Variants in IGFL2 observed in about 807,000 individuals in gnomAD.
IGFL2 encodes the protein insulin growth factor-like family member 2.
In IGFL2, 7 loss-of-function variants were observed where a neutral mutation model predicts 13.9. The ratio of observed to expected loss-of-function variants is 0.51; its 90% CI spans 0.29 to 0.95. IGFL2 has a LOEUF of 0.95. Ranked by LOEUF, IGFL2 falls within the 40% of genes least tolerant of loss-of-function variation. The probability of loss-of-function intolerance (pLI) is 0.08; values close to 1 mark genes in which losing one functional copy is unlikely to be tolerated. For missense variants in IGFL2, 138 were observed against 147.8 expected (o/e 0.93, Z 0.34); for synonymous variants, 55 against 55.8 (o/e 0.99, Z 0.07).
the IGFL2 span, among the ~76,000 whole-genome samples, chr19:46,120,593 T>G: frequency 1.3e-5 from 2 of 150,462 alleles, no homozygotes; most frequent in Non-Finnish European, 2.9e-5. Context: ...TTCCTCAAAA[T>G]GCCAGATAAA....
At chr19:46,117,091 A>T in the IGFL2 span, among the ~76,000 whole-genome samples, 2,469 of 152,136 alleles carry the variant, frequency 0.016, 59 homozygotes, top group African/African-American at 0.055. Flanking sequence ...TATTTTGACT[A>T]TTTTTTTCTC....
chr19:46,168,110 A>AT, the IGFL2 span, among the ~76,000 whole-genome samples: 2 of 152,040 alleles, frequency 1.3e-5, no homozygotes, highest in Admixed American at 6.6e-5. Flanking sequence ...TAATTTTTGT[A>AT]TTTTTTTAGA....
At chr19:46,096,722 C>T in the IGFL2 span, among the ~76,000 whole-genome samples, 1 of 152,084 alleles carries the variant, frequency 6.6e-6, no homozygotes. Flanking sequence ...AGTTTTTTAA[C>T]ATGAAGGGAT....
the IGFL2 span, among the ~76,000 whole-genome samples, chr19:46,172,846 T>TA: frequency 2.9e-3 from 447 of 152,272 alleles, 27 homozygotes; most frequent in East Asian, 0.078. Context: ...GCCCTCTGAG[T>TA]AGCTCTACAG....
chr19:46,091,955 A>G, the IGFL2 span, among the ~76,000 whole-genome samples: 3 of 152,342 alleles, frequency 2.0e-5, no homozygotes, highest in East Asian at 5.8e-4. Flanking sequence ...TAAAAATGCA[A>G]TGCATTAAGT....
chr19:46,191,851 C>A, the IGFL2 span, among the ~76,000 whole-genome samples: 1 of 152,154 alleles, frequency 6.6e-6, no homozygotes, highest in Non-Finnish European at 1.5e-5. Context: ...GGGATTTTTA[C>A]ATAGTTTGAC....
the IGFL2 span, among the ~76,000 whole-genome samples, chr19:46,191,089 A>C: frequency 6.6e-6 from 1 of 152,116 alleles, no homozygotes; most frequent in African/African-American, 2.4e-5. Flanking sequence ...GTCAAGAAAG[A>C]CTTCATTCTA....
chr19:46,148,696 G>C, intron 1 of IGFL2: 1 of 599,864 alleles, frequency 1.7e-6, no homozygotes, highest in East Asian at 3.0e-5. Context: ...CTCAGACTCA[G>C]AAGGGACCAT....
At chr19:46,150,618 T>C (rs923760500) in intron 1 of IGFL2, among the ~76,000 whole-genome samples, 4 of 152,208 alleles carry the variant, frequency 2.6e-5, no homozygotes, top group Admixed American at 2.0e-4. Context: ...TTATTACTTT[T>C]TGTCACTAGA....
At chr19:46,185,947 G>C in the IGFL2 span, among the ~76,000 whole-genome samples, 1 of 152,184 alleles carries the variant, frequency 6.6e-6, no homozygotes, top group African/African-American at 2.4e-5. Context: ...ATCAGTGATG[G>C]CCTGAGAGGG....
rs537281364 is a variant in IGFL2, at chr19:46,160,897, C to G, written c.341+16C>G. 1 of 1,612,198 alleles carries G rather than the reference C, an allele frequency of 6.2e-7. No homozygotes were observed. Among genetic ancestry groups the G allele is most frequent in the East Asian group, 2.2e-5 (1 of 44,856 alleles). Reference sequence around the variant, plus strand: ...AATGTGAAAGGTAGGGACCCCGTCCCTGGCCAGGGGGTCGGGGGAAGGGAG... The same window carrying G: ...AATGTGAAAGGTAGGGACCCCGTCCGTGGCCAGGGGGTCGGGGGAAGGGAG... On this transcript the variant is annotated intron_variant, in intron 3 of 3. Coordinates refer to ENST00000377693, the MANE Select transcript of IGFL2 (RefSeq NM_001135113.2).
the IGFL2 span, chr19:46,124,787 C>T: frequency 1.3e-6 from 1 of 741,944 alleles, no homozygotes; most frequent in Non-Finnish European, 2.4e-6. Context: ...CTGCAGTCTC[C>T]CAAGCACATT....
At chr19:46,144,357 C>G (rs1230938464), upstream of IGFL2, among the ~76,000 whole-genome samples, 1 of 152,198 alleles carries the variant, frequency 6.6e-6, no homozygotes, top group African/African-American at 2.4e-5. Context: ...AGTCGACCCT[C>G]AAGTCATGAC....
At chr19:46,163,571 G>A (rs1376184840), downstream of IGFL2, among the ~76,000 whole-genome samples, 2 of 152,160 alleles carry the variant, frequency 1.3e-5, no homozygotes, top group African/African-American at 2.4e-5. Flanking sequence ...AAAGCGCTTA[G>A]GGCCTTTGCT....
the IGFL2 span, among the ~76,000 whole-genome samples, chr19:46,127,529 C>G: frequency 6.6e-6 from 1 of 152,070 alleles, no homozygotes; most frequent in Non-Finnish European, 1.5e-5. Context: ...AATTTAGGTC[C>G]CGGACAATTT....
At chr19:46,148,807 C>T in intron 1 of IGFL2, 1 of 1,443,550 alleles carries the variant, frequency 6.9e-7, no homozygotes, top group South Asian at 1.4e-5. Context: ...GCCAGCTCAT[C>T]AGCTCTGACT....
chr19:46,140,202 C>A (rs1251881558), upstream of IGFL2, among the ~76,000 whole-genome samples: 1 of 151,806 alleles, frequency 6.6e-6, no homozygotes, highest in East Asian at 1.9e-4. Context: ...ACACCTCAGC[C>A]TCCGAAGTGC....
chr19:46,120,118 C>T, the IGFL2 span: 43 of 612,538 alleles, frequency 7.0e-5, no homozygotes, highest in Non-Finnish European at 9.3e-5. Flanking sequence ...TGGCTCTCAG[C>T]GGGAAGGGGA....
chr19:46,135,438 G>A, the IGFL2 span, among the ~76,000 whole-genome samples: 3 of 152,012 alleles, frequency 2.0e-5, no homozygotes, highest in South Asian at 4.2e-4. Flanking sequence ...CATCTCCCCC[G>A]AGAGCCAGAA....
Sources: gnomAD v4.1 joint callset for allele counts (sites outside exome capture counted in the v4.1 genomes callset) on GRCh38, gnomAD v4.1.1 for gene constraint, MANE v1.5 for transcripts, NCBI Gene and HGNC (gene_info 2026-07-23, HGNC 2026-07-21) for gene names.